The following F7 variants were observed in gnomAD, a reference collection of about 807,000 sequenced individuals.
F7 encodes FVII coagulation protein.
In F7, 38 loss-of-function variants were observed where a neutral mutation model predicts 47.5. The observed-to-expected ratio is 0.80, with a 90% CI of 0.62 to 1.05. The LOEUF is 1.05. Among genes scored for constraint, F7 ranks in the 50% least tolerant of loss-of-function variants. The probability of loss-of-function intolerance (pLI) is 0.00; values close to 1 mark genes in which losing one functional copy is unlikely to be tolerated. For missense variants in F7, 575 were observed against 605.4 expected, an observed-to-expected ratio of 0.95 and a Z score of 0.53; for synonymous variants, 244 against 258.5, an observed-to-expected ratio of 0.94 and a Z score of 0.54.
rs568422037 is a variant in F7, at chr13:113,113,520, T to C, written c.226-232T>C. Among the ~76,000 whole-genome samples the C allele has an allele frequency of 6.6e-6, 1 of 152,308 alleles. No homozygotes were observed. Among genetic ancestry groups the C allele is most frequent in the East Asian group, 1.9e-4 (1 of 5,182 alleles). On this transcript the variant is annotated intron_variant, in intron 2 of 7. Transcript: ENST00000346342. The surrounding 1 kb of genome is among the most constrained non-coding windows in gnomAD (Gnocchi z 4.1). ...AAGAGTCAGGGTTGAACCTCGGGTG[T>C]TCTGACTTGGGAGCAGGAAATGTGT... is the stretch of plus-strand genomic sequence containing the variant.
Position 113,113,696 on chromosome 13 carries a change from CGTTGG to C in F7, c.226-53_226-49del, listed in dbSNP as rs1330933169. 2.6e-5 allele frequency: 40 copies of C among 1,553,756 alleles called. No homozygotes were observed. Among genetic ancestry groups the C allele is most frequent in the Non-Finnish European group, 3.5e-5 (39 of 1,125,176 alleles). Reference sequence around the variant, plus strand: ...AGTTCATGGTGTGTCCAGTGCTTACCGTTGGGTGCTCTGGTGAAGGTGCATCTCAC... The same window carrying C: ...AGTTCATGGTGTGTCCAGTGCTTACCGTGCTCTGGTGAAGGTGCATCTCAC... On this transcript the variant is annotated intron_variant, in intron 2 of 7. Transcript: ENST00000346342. The surrounding 1 kb of genome is among the most constrained non-coding windows in gnomAD (Gnocchi z 4.1).
chr13:113,114,068 CGGGCATTCA>C, intron 4 of F7, 108 bp downstream of exon 4: 1 of 1,203,916 alleles, frequency 8.3e-7, no homozygotes, highest in South Asian at 1.3e-5. Flanking sequence ...GTGTGTAGGC[CGGGCATTCA>C]GGGCTCAGCC....
intron 6 of F7, 92 bp from the exon 7 acceptor site, chr13:113,117,381 T>C: frequency 6.3e-7 from 1 of 1,582,488 alleles, no homozygotes; most frequent in Non-Finnish European, 8.6e-7. Context: ...AATTGTGCAA[T>C]GCCAGAGGTT....
intron 1 of F7, among the ~76,000 whole-genome samples, chr13:113,108,433 A>C (rs371980950): frequency 5.5e-3 from 28 of 5,050 alleles, no homozygotes; most frequent in Admixed American, 0.012. Context: ...GTCCCGGGGG[A>C]GTGGGTGTCC....
In F7 at chr13:113,106,725, G is replaced by T. The variant is rs1284108931; in HGVS notation, c.64+820G>T. The T allele has an allele frequency of 7.8e-6, 7 of 899,866 alleles. No homozygotes were observed. The African/African-American group carries it at 8.4e-5, about 11-fold the overall frequency. 55.7% of individuals were successfully genotyped at this position (899,866 alleles called of 1,614,324 possible). Reference sequence around the variant, plus strand: ...GGCGTGAGGATGGCTAGTGGGGCGTGGGGATGGCGTGTGGGGATGGCGAGT... The same window carrying T: ...GGCGTGAGGATGGCTAGTGGGGCGTTGGGATGGCGTGTGGGGATGGCGAGT... On this transcript the variant is annotated intron_variant, in intron 1 of 7. Coordinates refer to ENST00000346342, the MANE Select transcript of F7 (RefSeq NM_019616.4).
At chr13:113,107,276 C>CCCGGGGTT (rs1566904842) in intron 1 of F7, among the ~76,000 whole-genome samples, 31 of 55,220 alleles carry the variant, frequency 5.6e-4, no homozygotes, top group African/African-American at 1.9e-3. Flanking sequence ...GTCCCGGGGG[C>CCCGGGGTT]GTGGGTGTCC....
At chr13:113,117,662 C>T (rs893074176) in intron 7 of F7, 66 bp downstream of exon 7, 15 of 1,545,522 alleles carry the variant, frequency 9.7e-6, no homozygotes, top group East Asian at 2.3e-5. Context: ...TGTCCGACCG[C>T]GGTGCTGGGT....
intron 1 of F7, 67 bp downstream of exon 1, chr13:113,105,972 C>T (rs921838167): frequency 1.3e-5 from 19 of 1,449,830 alleles, no homozygotes; most frequent in South Asian, 3.8e-5. Flanking sequence ...GGAGCCAGCC[C>T]GGGCTTCCCA....
chr13:113,117,031 A>T, intron 6 of F7, 156 bp downstream of exon 6: 3 of 702,916 alleles, frequency 4.3e-6, no homozygotes, highest in Non-Finnish European at 7.8e-6. Context: ...CGGCACCCCC[A>T]TGCTTTTAGT....
At chr13:113,109,252 G>A (rs949182019) in intron 1 of F7, among the ~76,000 whole-genome samples, 1 of 147,904 alleles carries the variant, frequency 6.8e-6, no homozygotes, top group South Asian at 2.2e-4. Flanking sequence ...CCCGGGGGTC[G>A]TGGGTGTCCC....
intron 4 of F7, 128 bp from the exon 5 acceptor site, chr13:113,115,532 T>C: frequency 9.7e-7 from 1 of 1,029,682 alleles, no homozygotes. Flanking sequence ...GCTCAGGCTC[T>C]GTCACCCACA....
Position 113,118,619 on chromosome 13 carries a change from T to C in F7, c.946T>C (p.Phe316Leu), listed in dbSNP as rs2036241500. ...TGAGAGGACGCTGGCCTTCGTGCGC[T>C]TCTCATTGGTCAGCGGCTGGGGCCA... The part of the protein sequence containing the change: ...FSERTLAFVR[F>L]SLVSGWGQLL... The change falls in exon 8 of 8, where the codon TTC (phenylalanine) becomes CTC (leucine). Residue 316 changes from phenylalanine (F) to leucine (L), a missense_variant. By Grantham distance (22) the Phe-to-Leu change is conservative. Transcript: ENST00000346342. The C allele has an allele frequency of 1.2e-6, 2 of 1,612,920 alleles. No individual in the cohort carries two copies. Among genetic ancestry groups the C allele is most frequent in the East Asian group, 4.5e-5 (2 of 44,876 alleles).
At chr13:113,118,329 G>C (rs1484836382) in intron 7 of F7, 84 bp from the exon 8 acceptor site, 4 of 1,443,212 alleles carry the variant, frequency 2.8e-6, no homozygotes, top group South Asian at 1.3e-5. Flanking sequence ...TGCAGACCTA[G>C]AAATGGCCAC....
At position 113,105,839 on chromosome 13, in the gene F7, A is replaced by T. The variant is rs2035942363; in HGVS notation, c.-3A>T. ...GCAGGGGCAGCACTGCAGAGATTTC[A>T]TCATGGTCTCCCAGGCCCTCAGGCT... On this transcript the variant is annotated 5_prime_UTR_variant, in exon 1 of 8. Coordinates refer to ENST00000346342, the MANE Select transcript of F7 (RefSeq NM_019616.4). The T allele has an allele frequency of 6.3e-6, 10 of 1,585,990 alleles. No individual in the cohort carries two copies. The highest frequency in any genetic ancestry group is 7.7e-6 in the Non-Finnish European group (9 of 1,166,618).
Position 113,110,745 on chromosome 13 carries a change from C to A in F7, c.120C>A (p.Asn40Lys), listed in dbSNP as rs1452083917. 6.5e-7 allele frequency: 1 copy of A among 1,548,932 alleles called. No individual in the cohort carries two copies. The highest frequency in any genetic ancestry group is 2.0e-5 in the Admixed American group (1 of 50,984). Residue 40 changes from asparagine to lysine, a missense_variant, in exon 2 of 8, where the codon AAC becomes AAA. By Grantham distance (94) the Asn-to-Lys change is moderately conservative (BLOSUM62 0). Coordinates refer to ENST00000346342, the MANE Select transcript of F7 (RefSeq NM_019616.4). ...HGVLHRRRRANAFLEELRPGS... is the reference protein window; with the variant it reads ...HGVLHRRRRAKAFLEELRPGS... ...TCCTGCACCGGCGCCGGCGCGCCAACGCGTTCCTGGAGGAGCTGCGGCCGG... is the reference window on the plus strand; with the variant it reads ...TCCTGCACCGGCGCCGGCGCGCCAAAGCGTTCCTGGAGGAGCTGCGGCCGG...
At chr13:113,106,752 G>A in intron 1 of F7, 1 of 1,244,528 alleles carries the variant, frequency 8.0e-7, no homozygotes, top group Non-Finnish European at 1.1e-6. Flanking sequence ...ATGGCGAGTG[G>A]GGGGTGGGCT....
rs112015863 is a variant in F7 at position 113,106,734 on chromosome 13, G to A, written c.64+829G>A. Reference sequence around the variant, plus strand: ...ATGGCTAGTGGGGCGTGGGGATGGCGTGTGGGGATGGCGAGTGGGGGGTGG... The same window carrying A: ...ATGGCTAGTGGGGCGTGGGGATGGCATGTGGGGATGGCGAGTGGGGGGTGG... On this transcript the variant is annotated intron_variant, in intron 1 of 7. Transcript: ENST00000346342. The A allele has an allele frequency of 4.9e-5, 49 of 1,000,104 alleles. No individual in the cohort carries two copies. The African/African-American group carries it at 5.1e-4, about 10-fold the overall frequency. 62.0% of individuals were successfully genotyped at this position (1,000,104 alleles called of 1,614,324 possible). A position where few individuals can be genotyped will look rare whatever the true frequency, so the allele number is the denominator to read the frequency against.
chr13:113,114,331 T>TG (rs1491220776), intron 4 of F7, among the ~76,000 whole-genome samples: 1 of 149,558 alleles, frequency 6.7e-6, no homozygotes, highest in Non-Finnish European at 1.5e-5. Flanking sequence ...TTGAGGGGTT[T>TG]GTTTTTTTTT....
chr13:113,110,988 G>A (rs1288023448), intron 2 of F7, 138 bp downstream of exon 2: 29 of 1,031,752 alleles, frequency 2.8e-5, no homozygotes, highest in South Asian at 1.9e-4. Context: ...CGCTTTCTGC[G>A]GGGGTCGCTT....
Sources: allele counts gnomAD v4.1 joint callset (sites outside exome capture counted in the v4.1 genomes callset), GRCh38; gene constraint gnomAD v4.1.1; non-coding constraint Gnocchi (gnomAD v3.1); transcripts MANE v1.5; gene names NCBI Gene and HGNC (gene_info 2026-07-23, HGNC 2026-07-21).